Variants in BBS9 observed in about 807,000 individuals in gnomAD.
The protein encoded by BBS9 is Bardet-Biedl syndrome 9.
In BBS9, 89 loss-of-function variants were observed where a neutral mutation model predicts 117.7. The observed-to-expected ratio is 0.76, with a 90% confidence interval of 0.64 to 0.90. The LOEUF (loss-of-function observed/expected upper bound fraction) is 0.90. BBS9 is among the 40% of genes least tolerant of loss of function. The pLI is 0.00. For missense variants in BBS9, 982 were observed against 1,042.2 expected (o/e 0.94, Z 0.80); for synonymous variants, 379 against 370.9 (o/e 1.02, Z -0.25).
chr7:33,320,789 G>A (rs1811548175), intron 9 of BBS9, among the ~76,000 whole-genome samples: 1 of 151,962 alleles, frequency 6.6e-6, no homozygotes, highest in Non-Finnish European at 1.5e-5. Context: ...CATTTTAACT[G>A]AGGTGGGATT....
chr7:33,420,283 T>C (rs1472099758), intron 19 of BBS9, among the ~76,000 whole-genome samples: 1 of 152,218 alleles, frequency 6.6e-6, no homozygotes, highest in Non-Finnish European at 1.5e-5. Flanking sequence ...ATAATGGATT[T>C]GAAGACTGAG....
chr7:33,379,707 C>T (rs1475907371), intron 17 of BBS9, among the ~76,000 whole-genome samples: 2 of 151,836 alleles, frequency 1.3e-5, no homozygotes, highest in Admixed American at 6.6e-5. Flanking sequence ...ATATCTCTGC[C>T]CTTTATTTTA....
intron 21 of BBS9, among the ~76,000 whole-genome samples, chr7:33,595,688 T>G (rs995757273): frequency 6.6e-6 from 1 of 152,162 alleles, no homozygotes; most frequent in Admixed American, 6.5e-5. Context: ...TTACTGGGTA[T>G]ATACCCAAAG....
intron 20 of BBS9, among the ~76,000 whole-genome samples, chr7:33,531,118 G>A (rs1257705683): frequency 3.9e-5 from 6 of 152,268 alleles, no homozygotes; most frequent in South Asian, 4.1e-4. Context: ...GGTGACACCC[G>A]CCTGTAATCC....
chr7:33,514,419 A>G (rs565224616), intron 20 of BBS9, among the ~76,000 whole-genome samples: 1 of 152,288 alleles, frequency 6.6e-6, no homozygotes, highest in South Asian at 2.1e-4. Context: ...GGGTGACTGG[A>G]GTTTGATGGA....
chr7:33,243,686 T>C (rs942073865), intron 5 of BBS9, among the ~76,000 whole-genome samples: 8 of 152,274 alleles, frequency 5.3e-5, no homozygotes, highest in Admixed American at 5.2e-4. Flanking sequence ...TAATAGTTGT[T>C]CCCAAGTTCC....
In BBS9 at chr7:33,501,885, CT is replaced by C. The variant is rs552010001; in HGVS notation, c.2116-3577del. Among the ~76,000 whole-genome samples the C allele has an allele frequency of 1.9e-4, 29 of 152,120 alleles. 1 individual carries two copies. The South Asian group carries it at 5.8e-3, about 30-fold the overall frequency. On this transcript the variant is annotated intron_variant, in intron 19 of 22. Transcript: ENST00000242067. ...CCTACCTTTTTAATGTCATCAAACA[CT>C]GTCCCTAAACTGGACTTATTCAATA...
downstream of BBS9, among the ~76,000 whole-genome samples, chr7:33,608,760 C>A (rs59433568): frequency 0.015 from 2,221 of 152,066 alleles, 49 homozygotes; most frequent in African/African-American, 0.051. Flanking sequence ...GGATATTAGA[C>A]CTTTGTTGGG....
intron 21 of BBS9, among the ~76,000 whole-genome samples, chr7:33,537,606 A>T (rs1310128164): frequency 1.3e-5 from 2 of 152,208 alleles, no homozygotes; most frequent in Non-Finnish European, 2.9e-5. Context: ...AGCAGAAGTC[A>T]CAAAGGGCCA....
intron 5 of BBS9, among the ~76,000 whole-genome samples, chr7:33,239,126 G>A (rs1489903265): frequency 6.6e-6 from 1 of 152,056 alleles, no homozygotes; most frequent in African/African-American, 2.4e-5. Context: ...ATACCAGGTA[G>A]TATCATTTTT....
chr7:33,611,481 A>G lies in BBS9; in HGVS notation c.2522-23696A>G, dbSNP rs929356653. The stretch of plus-strand genomic sequence containing the variant: ...ATATAATAATAATATAATATATTAT[A>G]ATAATGTAATATTATATATAAGGTA... On this transcript the variant is annotated intron_variant, in intron 21 of 21. Transcript: ENST00000671952. Among the ~76,000 whole-genome samples the G allele has an allele frequency of 3.5e-5, 5 of 143,194 alleles. No individual in the cohort carries two copies. The South Asian group carries it at 1.1e-3, about 30-fold the overall frequency. The allele number at this position is 143,194 out of a possible 152,430, so 93.9% of individuals were successfully genotyped here.
intron 21 of BBS9, among the ~76,000 whole-genome samples, chr7:33,574,637 T>C (rs965048588): frequency 6.7e-6 from 1 of 150,110 alleles, no homozygotes; most frequent in African/African-American, 2.4e-5. Flanking sequence ...TAGAAATTTC[T>C]GATACAGGGA....
chr7:33,249,143 T>C (rs1795828182), intron 5 of BBS9, among the ~76,000 whole-genome samples: 1 of 151,930 alleles, frequency 6.6e-6, no homozygotes, highest in African/African-American at 2.4e-5. Flanking sequence ...AGGACTGCCC[T>C]CCATGAGGCC....
intron 21 of BBS9, among the ~76,000 whole-genome samples, chr7:33,631,970 A>C (rs1290968828): frequency 6.6e-6 from 1 of 152,174 alleles, no homozygotes; most frequent in Non-Finnish European, 1.5e-5. Context: ...GAATGGAATA[A>C]ATTCCCTCTC....
intron 20 of BBS9, among the ~76,000 whole-genome samples, chr7:33,513,948 C>T (rs984107274): frequency 2.6e-5 from 4 of 152,178 alleles, no homozygotes; most frequent in African/African-American, 9.7e-5. Context: ...AATCATAAAA[C>T]TAATCTTGTA....
intron 21 of BBS9, among the ~76,000 whole-genome samples, chr7:33,617,284 T>A (rs1257894120): frequency 6.6e-6 from 1 of 152,066 alleles, no homozygotes; most frequent in East Asian, 1.9e-4. Flanking sequence ...AAGAAGGGAA[T>A]GGAGAAGTAT....
At chr7:33,304,817 T>C (rs1451520862) in intron 9 of BBS9, among the ~76,000 whole-genome samples, 1 of 152,206 alleles carries the variant, frequency 6.6e-6, no homozygotes, top group Non-Finnish European at 1.5e-5. Flanking sequence ...TGGGATGCTG[T>C]TAATCTATAA....
At chr7:33,416,390 G>C (rs893528631) in intron 19 of BBS9, among the ~76,000 whole-genome samples, 1 of 151,160 alleles carries the variant, frequency 6.6e-6, no homozygotes, top group African/African-American at 2.4e-5. Context: ...TGTAGTTTTT[G>C]TAAAACTATA....
intron 19 of BBS9, among the ~76,000 whole-genome samples, chr7:33,391,959 T>G (rs754907044): frequency 2.2e-4 from 34 of 152,236 alleles, no homozygotes; most frequent in Non-Finnish European, 4.3e-4. Context: ...TCCTTCCTTA[T>G]GTATGCCAAG....
Sources: allele counts gnomAD v4.1 joint callset (sites outside exome capture counted in the v4.1 genomes callset), GRCh38; gene constraint gnomAD v4.1.1; transcripts MANE v1.5; gene names NCBI Gene and HGNC (gene_info 2026-07-23, HGNC 2026-07-21).